Variants in PTBP2 observed in about 807,000 individuals in gnomAD.
PTBP2 encodes polypyrimidine tract binding protein 2, also known as polypyrimidine tract-binding protein 2.
In PTBP2, 13 loss-of-function variants were observed where a neutral mutation model predicts 61.4. The ratio of observed to expected loss-of-function variants is 0.21; its 90% CI spans 0.14 to 0.34. The LOEUF is 0.34. Among genes scored for constraint, PTBP2 ranks in the 10% least tolerant of loss-of-function variants. PTBP2 has a pLI of 1.00. For synonymous variants in PTBP2, 215 were observed against 218.5 expected (o/e 0.98, Z 0.14); for missense variants, 405 against 642.6 (o/e 0.63, Z 4.00).
chr1:96,807,414 A>G (rs779244093), intron 11 of PTBP2, among the ~76,000 whole-genome samples: 27 of 152,184 alleles, frequency 1.8e-4, no homozygotes, highest in Non-Finnish European at 3.5e-4. Flanking sequence ...CCCTTTGGGA[A>G]TCTTAAAAGG....
intron 1 of PTBP2, among the ~76,000 whole-genome samples, chr1:96,722,652 C>T (rs1220828891): frequency 6.6e-6 from 1 of 152,148 alleles, no homozygotes; most frequent in Non-Finnish European, 1.5e-5. Context: ...GGGCAAAGGC[C>T]AACAGCAATG....
At chr1:96,806,718 C>A in intron 10 of PTBP2, 148 bp from the exon 11 acceptor site, 1 of 689,562 alleles carries the variant, frequency 1.5e-6, no homozygotes. Context: ...AAATCTTGAT[C>A]TTCTTTATTC....
At chr1:96,803,306 T>G (rs556972088) in intron 8 of PTBP2, among the ~76,000 whole-genome samples, 1 of 151,926 alleles carries the variant, frequency 6.6e-6, no homozygotes, top group African/African-American at 2.4e-5. Flanking sequence ...ATTGTTAAAG[T>G]TGGGTGATGG....
intron 3 of PTBP2, among the ~76,000 whole-genome samples, chr1:96,763,470 C>T (rs1036704483): frequency 1.3e-5 from 2 of 150,524 alleles, no homozygotes; most frequent in Admixed American, 6.6e-5. Flanking sequence ...AGCAGGCACT[C>T]GGCAGGCTGA....
At chr1:96,791,834 T>TGTTTTTTTTTTGTTTTTTTTTTTG (rs71590211) in intron 8 of PTBP2, among the ~76,000 whole-genome samples, 1 of 128,800 alleles carries the variant, frequency 7.8e-6, no homozygotes, top group African/African-American at 3.1e-5. Context: ...TGCTTTTTTT[T>TGTTTTTTTTTTGTTTTTTTTTTTG]TTTTTTTTTT....
chr1:96,815,421 C>T (rs774556981), downstream of PTBP2: 28 of 152,138 alleles, frequency 1.8e-4, no homozygotes, highest in Admixed American at 5.9e-4. Context: ...GAATGATATA[C>T]ATTCAAGTAT....
chr1:96,758,013 C>T (rs1655357203), intron 3 of PTBP2, among the ~76,000 whole-genome samples: 1 of 151,916 alleles, frequency 6.6e-6, no homozygotes, highest in Non-Finnish European at 1.5e-5. Context: ...TACTGGAAAT[C>T]AAGGTCGAGA....
chr1:96,744,624 A>G (rs1164287906), intron 2 of PTBP2, among the ~76,000 whole-genome samples: 1 of 152,160 alleles, frequency 6.6e-6, no homozygotes, highest in Non-Finnish European at 1.5e-5. Context: ...AATCATTTGT[A>G]GTCTTTCAGA....
At chr1:96,742,473 G>A (rs1302458747) in intron 2 of PTBP2, among the ~76,000 whole-genome samples, 1 of 151,974 alleles carries the variant, frequency 6.6e-6, no homozygotes, top group Non-Finnish European at 1.5e-5. Context: ...AAGCACCTAT[G>A]TTTTCTCCTA....
intron 7 of PTBP2, among the ~76,000 whole-genome samples, chr1:96,780,240 C>G (rs536503197): frequency 1.3e-5 from 2 of 152,074 alleles, no homozygotes; most frequent in East Asian, 3.9e-4. Context: ...TTATTTCTCT[C>G]TATATTGGCC....
intron 2 of PTBP2, among the ~76,000 whole-genome samples, chr1:96,727,707 A>G (rs956955232): frequency 6.6e-6 from 1 of 152,026 alleles, no homozygotes; most frequent in African/African-American, 2.4e-5. Flanking sequence ...GTGTCTGTTT[A>G]TATCTTTAGC....
intron 8 of PTBP2, among the ~76,000 whole-genome samples, chr1:96,790,190 A>G (rs1304303873): frequency 6.6e-6 from 1 of 151,890 alleles, no homozygotes; most frequent in Non-Finnish European, 1.5e-5. Flanking sequence ...TTAGAGTGTC[A>G]TGTTAACTTG....
chr1:96,810,895 G>A (rs1260665079), intron 11 of PTBP2, among the ~76,000 whole-genome samples: 7 of 152,164 alleles, frequency 4.6e-5, no homozygotes, highest in Non-Finnish European at 1.0e-4. Flanking sequence ...AAATTTGCAA[G>A]TATATGAAAT....
Position 96,781,729 on chromosome 1 carries a change from G to A in PTBP2, c.709-3330G>A, listed in dbSNP as rs1025893599. ...AAATGTGTATATTTTCTGTCGGACT[G>A]TAAGTTCTGAGTACCATGTCTGCTT... is the stretch of plus-strand genomic sequence containing the variant. On this transcript the variant is annotated intron_variant, in intron 7 of 13. Transcript: ENST00000674951. 7.9e-5 allele frequency among the ~76,000 whole-genome samples: 12 copies of A among 152,092 alleles called. No homozygotes were observed. The South Asian group carries it at 2.5e-3, about 32-fold the overall frequency.
intron 2 of PTBP2, 115 bp downstream of exon 2, chr1:96,723,709 A>T: frequency 1.1e-6 from 1 of 884,716 alleles, no homozygotes; most frequent in Non-Finnish European, 1.7e-6. Context: ...CCAAGTGTAA[A>T]ATGTTTCCTT....
At chr1:96,770,627 T>G (rs1657270760) in intron 4 of PTBP2, 81 bp from the exon 5 acceptor site, 1 of 1,190,312 alleles carries the variant, frequency 8.4e-7, no homozygotes, top group East Asian at 2.6e-5. Context: ...GATAATTGAT[T>G]AAAATCATCT....
chr1:96,804,200 C>T (rs1661291347), intron 8 of PTBP2, among the ~76,000 whole-genome samples: 1 of 152,066 alleles, frequency 6.6e-6, no homozygotes, highest in Non-Finnish European at 1.5e-5. Context: ...GTTGAAGGAA[C>T]TTGTATTCAT....
intron 2 of PTBP2, among the ~76,000 whole-genome samples, chr1:96,732,600 A>G (rs1651577286): frequency 6.6e-6 from 1 of 152,248 alleles, no homozygotes; most frequent in Non-Finnish European, 1.5e-5. Flanking sequence ...ATAAATAACA[A>G]GACTATGTCT....
At chr1:96,747,417 CAG>C (rs1378033540) in intron 2 of PTBP2, among the ~76,000 whole-genome samples, 1 of 152,090 alleles carries the variant, frequency 6.6e-6, no homozygotes, top group African/African-American at 2.4e-5. Flanking sequence ...CTTACATACT[CAG>C]AGTTCATAAA....
Sources: allele counts gnomAD v4.1 joint callset (sites outside exome capture counted in the v4.1 genomes callset), GRCh38; gene constraint gnomAD v4.1.1; transcripts MANE v1.5; gene names NCBI Gene and HGNC (gene_info 2026-07-23, HGNC 2026-07-21).